The following CDX4 variants were observed in gnomAD, a reference collection of about 807,000 sequenced individuals.
CDX4 encodes the protein homeobox protein CDX-4.
A neutral mutation model predicts 14.1 loss-of-function variants in CDX4; 11 were observed. That is an observed-to-expected ratio of 0.78 (90% CI 0.49 to 1.29). The LOEUF (loss-of-function observed/expected upper bound fraction) is 1.29. Ranked by LOEUF, CDX4 falls within the 50% of genes most tolerant of loss-of-function variation. The pLI is 0.00. For synonymous variants in CDX4, 100 were observed against 93.5 expected (o/e 1.07, Z -0.40); for missense variants, 257 against 237.4 (o/e 1.08, Z -0.54).
rs1347989679 is a variant in CDX4 at position 73,455,009 on chromosome X, C to T, written c.*424C>T. Reference sequence around the variant, plus strand: ...TTTAAGGAGTGAGAAGAAGGTAAACCGAAGTTTATCTATCTTTAGCTACCT... The same window carrying T: ...TTTAAGGAGTGAGAAGAAGGTAAACTGAAGTTTATCTATCTTTAGCTACCT... On this transcript the variant is annotated 3_prime_UTR_variant, in exon 3 of 3. Transcript: ENST00000373514. The T allele has an allele frequency of 1.7e-5, 2 of 114,559 alleles. No individual in the cohort carries two copies. Among genetic ancestry groups the T allele is most frequent in the South Asian group, 7.3e-4 (2 of 2,756 alleles). 9.4% of individuals were successfully genotyped at this position (114,559 alleles called of 1,213,427 possible). A position where few individuals can be genotyped will look rare whatever the true frequency, so the allele number is the denominator to read the frequency against.
In CDX4 at chrX:73,447,095, C is replaced by T. The variant is rs937020993; in HGVS notation, c.-159C>T. On this transcript the variant is annotated 5_prime_UTR_variant, in exon 1 of 3. Transcript: ENST00000373514. ...ACAGGGCTGCTAGTCACCTGGATAC[C>T]CTCGTAAGAAACGTGGGATGGAGTA... is the stretch of plus-strand genomic sequence containing the variant. Among the ~76,000 whole-genome samples, 1 of 111,282 alleles carries T rather than the reference C, an allele frequency of 9.0e-6. No homozygotes were observed. Among genetic ancestry groups the T allele is most frequent in the African/African-American group, 3.3e-5 (1 of 30,545 alleles).
At position 73,447,836 on chromosome X, in the gene CDX4, C is replaced by T. The variant is rs368484635; in HGVS notation, c.502+81C>T. The T allele has an allele frequency of 2.9e-4, 302 of 1,055,090 alleles. 1 individual carries two copies. The African/African-American group carries it at 4.9e-3, about 17-fold the overall frequency. The allele number at this position is 1,055,090 out of a possible 1,213,427, so 87.0% of individuals were successfully genotyped here. On this transcript the variant is annotated intron_variant, in intron 1 of 2. Transcript: ENST00000373514. ...TTCTCTTGGTCGGCCTGCCCTCGTA[C>T]TTCTCAGGCCTCTCCCAAGAGGGCT...
rs1158205431 is a variant in CDX4, at chrX:73,453,675, T to G, written c.648+13T>G. 6 of 1,189,923 alleles carry G rather than the reference T, an allele frequency of 5.0e-6. No homozygotes were observed. In the South Asian group the frequency reaches 1.1e-4, roughly 22 times the overall value. ...TTCCGAGAGACAGGTACACCAGAAG[T>G]ATATCCAACATGTCCCGTATAGTCC... On this transcript the variant is annotated intron_variant, in intron 2 of 2. Transcript: ENST00000373514.
chrX:73,452,823 G>T (rs993446569), intron 1 of CDX4, among the ~76,000 whole-genome samples: 2 of 111,273 alleles, frequency 1.8e-5, no homozygotes, highest in Non-Finnish European at 1.9e-5. Flanking sequence ...TTCCACTCTT[G>T]GGCCATTATT....
intron 1 of CDX4, 124 bp downstream of exon 1, chrX:73,447,879 A>G (rs940875539): frequency 7.4e-6 from 6 of 805,677 alleles, no homozygotes; most frequent in African/African-American, 4.1e-5. Flanking sequence ...GGCGACCCCT[A>G]TATGGCTGGC....
At chrX:73,449,908 C>T (rs929672091) in intron 1 of CDX4, among the ~76,000 whole-genome samples, 1 of 111,195 alleles carries the variant, frequency 9.0e-6, no homozygotes, top group Non-Finnish European at 1.9e-5. Flanking sequence ...AAGCTGATCA[C>T]CTCACTAGGC....
chrX:73,453,101 T>C (rs1483031670), intron 1 of CDX4, among the ~76,000 whole-genome samples: 1 of 111,949 alleles, frequency 8.9e-6, no homozygotes, highest in Non-Finnish European at 1.9e-5. Flanking sequence ...CTGCTATTAC[T>C]GCCAATGCTA....
rs753970063 is a variant in CDX4 at position 73,453,801 on chromosome X, C to G, written c.648+139C>G. 3 of 451,776 alleles carry G rather than the reference C, an allele frequency of 6.6e-6. No homozygotes were observed. The East Asian group carries it at 1.3e-4, about 19-fold the overall frequency. 37.2% of individuals were successfully genotyped at this position (451,776 alleles called of 1,213,427 possible). On this transcript the variant is annotated intron_variant, in intron 2 of 2. Coordinates refer to ENST00000373514, the MANE Select transcript of CDX4 (RefSeq NM_005193.2). ...ACCACGTGTGAAGGCACATTGATAT[C>G]GCTCTCTTCTATCTCCAGCAAGAGA...
rs146389652 is a variant in CDX4 at position 73,447,631 on chromosome X, C to T, written c.378C>T (p.Ser126=). The part of the protein sequence containing the change: ...LGPVGGGTSG[S]SLPGQAGGSL... Reference sequence around the variant, plus strand: ...CTGTGGGCGGTGGAACTAGCGGCAGCAGCCTACCAGGCCAGGCTGGCGGGT... The same window carrying T: ...CTGTGGGCGGTGGAACTAGCGGCAGTAGCCTACCAGGCCAGGCTGGCGGGT... The change falls in exon 1 of 3, where the codon AGC becomes AGT. Residue 126 remains serine, a synonymous_variant. Coordinates refer to ENST00000373514, the MANE Select transcript of CDX4 (RefSeq NM_005193.2). 1,071 of 1,209,541 alleles carry T rather than the reference C, an allele frequency of 8.9e-4. 5 individuals are homozygous for T. Among genetic ancestry groups the T allele is most frequent in the Non-Finnish European group, 3.6e-4 (318 of 895,144 alleles).
Position 73,447,203 on chromosome X carries a change from C to T in CDX4, c.-51C>T. On this transcript the variant is annotated 5_prime_UTR_variant, in exon 1 of 3. Coordinates refer to ENST00000373514, the MANE Select transcript of CDX4 (RefSeq NM_005193.2). ...GCTGCTTCTCAAAGTCGAGTTGGGG[C>T]CTTACAGGGACTTCAGGATGGCTTA... 8.6e-7 allele frequency: 1 copy of T among 1,157,677 alleles called. No homozygotes were observed. The highest frequency in any genetic ancestry group is 2.0e-5 in the South Asian group (1 of 51,255).
In CDX4 at chrX:73,447,860, C is replaced by T. The variant is rs1359284740; in HGVS notation, c.502+105C>T. ...ACTTCTCAGGCCTCTCCCAAGAGGG[C>T]TTAGCTGAGGCGACCCCTATATGGC... On this transcript the variant is annotated intron_variant, in intron 1 of 2. Transcript: ENST00000373514. 7.3e-6 allele frequency: 7 copies of T among 965,391 alleles called. No homozygotes were observed. In the African/African-American group the frequency reaches 7.7e-5, roughly 11 times the overall value. 79.6% of individuals were successfully genotyped at this position (965,391 alleles called of 1,213,427 possible).
chrX:73,453,615 C>T lies in CDX4; in HGVS notation c.601C>T (p.Gln201Ter). Residue 201 changes from glutamine to a stop codon, truncating the protein, a stop_gained, in exon 2 of 3, where the codon CAG (glutamine) becomes TAG (stop). Coordinates refer to ENST00000373514, the MANE Select transcript of CDX4 (RefSeq NM_005193.2). LOFTEE classifies it high-confidence loss of function. Reference sequence around the variant, plus strand: ...CCATTGCAATAGATATATCACCATCCAGAGAAAATCAGAGCTGGCAGTTAA... The same window carrying T: ...CCATTGCAATAGATATATCACCATCTAGAGAAAATCAGAGCTGGCAGTTAA... ...EFHCNRYITI[Q>*]RKSELAVNLG... 8.3e-7 allele frequency: 1 copy of T among 1,201,657 alleles called. No homozygotes were observed. Among genetic ancestry groups the T allele is most frequent in the South Asian group, 1.8e-5 (1 of 55,332 alleles).
chrX:73,454,257 G>T, intron 2 of CDX4, 122 bp from the exon 3 acceptor site: 6 of 500,104 alleles, frequency 1.2e-5, no homozygotes, highest in Non-Finnish European at 1.7e-5. Context: ...ACTTCACAAG[G>T]TCATTGTGAG....
At chrX:73,450,504 G>A (rs1049659124) in intron 1 of CDX4, among the ~76,000 whole-genome samples, 1 of 111,832 alleles carries the variant, frequency 8.9e-6, no homozygotes. Flanking sequence ...GAAAAGAGGG[G>A]GAGAGCAGGA....
rs1163018655 is a variant in CDX4 at position 73,454,630 on chromosome X, C to A, written c.*45C>A. ...TAAAGTGCCCTTTTTTTAGTGATGTCTTTTGGGTCTCTAAGCTATCTACAG... is the reference window on the plus strand; with the variant it reads ...TAAAGTGCCCTTTTTTTAGTGATGTATTTTGGGTCTCTAAGCTATCTACAG... On this transcript the variant is annotated 3_prime_UTR_variant, in exon 3 of 3. Coordinates refer to ENST00000373514, the MANE Select transcript of CDX4 (RefSeq NM_005193.2). 3.0e-6 allele frequency: 3 copies of A among 995,479 alleles called. No individual in the cohort carries two copies. The highest frequency in any genetic ancestry group is 4.2e-6 in the Non-Finnish European group (3 of 711,030). The allele number at this position is 995,479 out of a possible 1,213,427, so 82.0% of individuals were successfully genotyped here.
chrX:73,451,854 A>C (rs2057088056), intron 1 of CDX4, among the ~76,000 whole-genome samples: 1 of 112,172 alleles, frequency 8.9e-6, no homozygotes, highest in Non-Finnish European at 1.9e-5. Flanking sequence ...TCTAGAAATA[A>C]ATTAAATCTC....
In CDX4 at chrX:73,447,773, A is replaced by G. The variant is rs2057075759; in HGVS notation, c.502+18A>G. 3.5e-6 allele frequency: 4 copies of G among 1,152,927 alleles called. No individual in the cohort carries two copies. Among genetic ancestry groups the G allele is most frequent in the Non-Finnish European group, 4.6e-6 (4 of 869,950 alleles). Reference sequence around the variant, plus strand: ...GGTGACGGGTGAGTAATCAATTCCAATGCCCACACACTTTTCCTTCCTTCC... The same window carrying G: ...GGTGACGGGTGAGTAATCAATTCCAGTGCCCACACACTTTTCCTTCCTTCC... On this transcript the variant is annotated intron_variant, in intron 1 of 2. Transcript: ENST00000373514.
At position 73,447,149 on chromosome X, in the gene CDX4, A is replaced by C. The variant is rs41303721; in HGVS notation, c.-105A>C. 0.044 allele frequency: 41,183 copies of C among 936,173 alleles called. 761 individuals are homozygous for C. The highest frequency in any genetic ancestry group is 0.06 in the Middle Eastern group (201 of 3,326). The allele number at this position is 936,173 out of a possible 1,213,427, so 77.2% of individuals were successfully genotyped here. On this transcript the variant is annotated 5_prime_UTR_variant, in exon 1 of 3. Transcript: ENST00000373514. ...TGAGGGGTGCAAAAGAGCTTGCGGCACAACTACGTACTGATAAGTTTATTC... is the reference window on the plus strand; with the variant it reads ...TGAGGGGTGCAAAAGAGCTTGCGGCCCAACTACGTACTGATAAGTTTATTC...
At chrX:73,451,439 T>C (rs1286923032) in intron 1 of CDX4, among the ~76,000 whole-genome samples, 1 of 111,693 alleles carries the variant, frequency 9.0e-6, no homozygotes, top group Non-Finnish European at 1.9e-5. Flanking sequence ...TTTTAGGTCT[T>C]ATCTGTCAGA....
Sources: allele counts gnomAD v4.1 joint callset (sites outside exome capture counted in the v4.1 genomes callset), GRCh38; gene constraint gnomAD v4.1.1; transcripts MANE v1.5; gene names NCBI Gene and HGNC (gene_info 2026-07-23, HGNC 2026-07-21).